Variants in ALKBH3 observed in about 807,000 individuals in gnomAD.
The protein encoded by ALKBH3 is alkB homolog 3, alpha-ketoglutarate dependent dioxygenase.
In ALKBH3, 51 loss-of-function variants were observed where a neutral mutation model predicts 43.9. That is an observed-to-expected ratio of 1.16 (90% CI 0.93 to 1.47). The LOEUF (loss-of-function observed/expected upper bound fraction) is 1.47. ALKBH3 is among the 40% of genes most tolerant of loss of function. ALKBH3 has a pLI of 0.00. For synonymous variants in ALKBH3, 102 were observed against 115.2 expected (o/e 0.89, Z 0.73); for missense variants, 361 against 351.9 (o/e 1.03, Z -0.21).
intron 7 of ALKBH3, chr11:43,897,106 AT>A (rs1321931338): frequency 7.8e-6 from 3 of 383,584 alleles, no homozygotes; most frequent in East Asian, 1.4e-4. Flanking sequence ...TGCCTGGCTT[AT>A]TTTTTATAGA....
Position 43,920,072 on chromosome 11 carries a change from T to C in ALKBH3, c.*62T>C. 6.9e-7 allele frequency: 1 copy of C among 1,456,624 alleles called. No homozygotes were observed. The highest frequency in any genetic ancestry group is 1.1e-5 in the South Asian group (1 of 86,984). The allele number at this position is 1,456,624 out of a possible 1,614,324, so 90.2% of individuals were successfully genotyped here. A position where few individuals can be genotyped will look rare whatever the true frequency, so the allele number is the denominator to read the frequency against. ...AGCAAACCTTCCACTGAGAAGCCAC[T>C]TCAAGAGGCTGGTGCTGCTAGATCT... On this transcript the variant is annotated 3_prime_UTR_variant, in exon 10 of 10. Coordinates refer to ENST00000302708, the MANE Select transcript of ALKBH3 (RefSeq NM_139178.4).
At chr11:43,885,195 A>G (rs979711083) in intron 4 of ALKBH3, among the ~76,000 whole-genome samples, 2 of 152,230 alleles carry the variant, frequency 1.3e-5, no homozygotes, top group African/African-American at 2.4e-5. Context: ...AAATGACAGA[A>G]CTCATTCCTA....
intron 4 of ALKBH3, among the ~76,000 whole-genome samples, chr11:43,884,601 T>C (rs541531549): frequency 2.6e-5 from 4 of 152,330 alleles, no homozygotes; most frequent in East Asian, 3.9e-4. Context: ...TGTAGATAAA[T>C]TGTCAGTAGA....
At chr11:43,894,340 A>G (rs1274974186) in intron 7 of ALKBH3, among the ~76,000 whole-genome samples, 2 of 152,156 alleles carry the variant, frequency 1.3e-5, no homozygotes, top group African/African-American at 2.4e-5. Context: ...CACTTCTGTG[A>G]TTCATATTTT....
intron 7 of ALKBH3, among the ~76,000 whole-genome samples, chr11:43,893,574 A>G (rs555282788): frequency 6.6e-6 from 1 of 152,092 alleles, no homozygotes; most frequent in South Asian, 2.1e-4. Flanking sequence ...TGATAATTCT[A>G]CCCCATGTTT....
intron 8 of ALKBH3, among the ~76,000 whole-genome samples, chr11:43,911,586 G>A (rs1045937886): frequency 6.6e-6 from 1 of 152,178 alleles, no homozygotes; most frequent in African/African-American, 2.4e-5. Context: ...TAAATAACAA[G>A]TGTATAGTGC....
chr11:43,898,917 G>A (rs570983035), intron 7 of ALKBH3: 2 of 748,274 alleles, frequency 2.7e-6, no homozygotes, highest in Middle Eastern at 2.4e-4. Context: ...AGTGCCAGAG[G>A]GTGGACTGGT....
At chr11:43,886,765 A>G in intron 5 of ALKBH3, 112 bp downstream of exon 5, 20 of 1,034,076 alleles carry the variant, frequency 1.9e-5, no homozygotes, top group Non-Finnish European at 1.7e-5. Context: ...ATGGAATACT[A>G]TGCAGCCATT....
At chr11:43,915,894 G>C (rs1359306099) in intron 8 of ALKBH3, among the ~76,000 whole-genome samples, 1 of 152,140 alleles carries the variant, frequency 6.6e-6, no homozygotes, top group Non-Finnish European at 1.5e-5. Flanking sequence ...ATGTGTGATA[G>C]GCACTGAGAA....
chr11:43,899,278 G>A, intron 7 of ALKBH3: 1 of 714,404 alleles, frequency 1.4e-6, no homozygotes, highest in Non-Finnish European at 2.6e-6. Flanking sequence ...AAGGCGTGCA[G>A]GGCTCGCATG....
Position 43,917,563 on chromosome 11 carries a change from C to A in ALKBH3, c.670-1475C>A, listed in dbSNP as rs370331133. 3.9e-5 allele frequency among the ~76,000 whole-genome samples: 6 copies of A among 152,260 alleles called. No individual in the cohort carries two copies. The East Asian group carries it at 7.7e-4, about 20-fold the overall frequency. ...TGACTATACAGCCTAAATTAAGGAG[C>A]CTTGGACTGTCTAATCTCATGGTCA... On this transcript the variant is annotated intron_variant, in intron 8 of 9. Transcript: ENST00000302708.
At chr11:43,890,879 A>G (rs1029870142) in intron 6 of ALKBH3, among the ~76,000 whole-genome samples, 1 of 152,106 alleles carries the variant, frequency 6.6e-6, no homozygotes, top group Non-Finnish European at 1.5e-5. Flanking sequence ...AAATAAAATA[A>G]CTATCATAGT....
intron 7 of ALKBH3, chr11:43,897,441 T>C: frequency 1.4e-6 from 1 of 736,736 alleles, no homozygotes; most frequent in Non-Finnish European, 2.5e-6. Flanking sequence ...AAAGGATTGC[T>C]GTTGTATTAC....
At position 43,919,093 on chromosome 11, in the gene ALKBH3, G is replaced by T. The variant is rs1952006424; in HGVS notation, c.725G>T (p.Gly242Val). The T allele has an allele frequency of 6.2e-7, 1 of 1,613,370 alleles. No individual in the cohort carries two copies. Among genetic ancestry groups the T allele is most frequent in the Non-Finnish European group, 8.5e-7 (1 of 1,179,498 alleles). ...AGAGTGAAGATACCCTTGGATCATGGGACCTTGTTAATCATGGAAGGAGCG... is the reference window on the plus strand; with the variant it reads ...AGAGTGAAGATACCCTTGGATCATGTGACCTTGTTAATCATGGAAGGAGCG... The part of the protein sequence containing the change: ...VERVKIPLDH[G>V]TLLIMEGATQ... Residue 242 changes from glycine (G) to valine (V), a missense_variant, in exon 9 of 10, where the codon GGG becomes GTG. Transcript: ENST00000302708.
intron 6 of ALKBH3, among the ~76,000 whole-genome samples, chr11:43,891,375 C>A (rs1518818): frequency 0.24 from 36,270 of 152,112 alleles, 4,826 homozygotes; most frequent in Admixed American, 0.4. Flanking sequence ...TGTGTTAATA[C>A]AATGAGATAA....
intron 8 of ALKBH3, among the ~76,000 whole-genome samples, chr11:43,907,199 T>G (rs978677221): frequency 5.4e-5 from 8 of 149,008 alleles, no homozygotes; most frequent in African/African-American, 1.2e-4. Context: ...TGAGGGTGAG[T>G]AGAGAGAGAG....
chr11:43,901,116 G>C (rs1951860612), intron 7 of ALKBH3, among the ~76,000 whole-genome samples: 1 of 152,190 alleles, frequency 6.6e-6, no homozygotes, highest in South Asian at 2.1e-4. Context: ...TGGGTCTGCT[G>C]ACTACCTAGT....
intron 7 of ALKBH3, chr11:43,899,314 C>T: frequency 1.4e-6 from 1 of 699,198 alleles, no homozygotes; most frequent in Non-Finnish European, 2.7e-6. Flanking sequence ...GCCTCTGCAT[C>T]CTGCAGTGGA....
In ALKBH3 at chr11:43,886,635, C is replaced by T; in HGVS notation, c.248C>T (p.Ser83Leu). 2 of 1,614,110 alleles carry T rather than the reference C, an allele frequency of 1.2e-6. No homozygotes were observed. Among genetic ancestry groups the T allele is most frequent in the Non-Finnish European group, 1.7e-6 (2 of 1,180,006 alleles). The stretch of plus-strand genomic sequence containing the variant: ...GAGGGTGTGTATGAAATCAGCCTGT[C>T]ACCCACAGGTGTATCTAGGTAAGCA... Reference protein sequence around the residue: ...DREGVYEISLSPTGVSRVCLY... With the variant: ...DREGVYEISLLPTGVSRVCLY... Residue 83 changes from serine to leucine, a missense_variant, in exon 5 of 10, where the codon TCA (serine) becomes TTA (leucine). Ser to Leu is a moderately radical substitution (Grantham distance 145, BLOSUM62 -2). Coordinates refer to ENST00000302708, the MANE Select transcript of ALKBH3 (RefSeq NM_139178.4).
Sources: gnomAD v4.1 joint callset for allele counts (sites outside exome capture counted in the v4.1 genomes callset) on GRCh38, gnomAD v4.1.1 for gene constraint, MANE v1.5 for transcripts, NCBI Gene and HGNC (gene_info 2026-07-23, HGNC 2026-07-21) for gene names.